TRAPPC9: variants seen among roughly 807,000 people sequenced by gnomAD.
TRAPPC9 encodes trafficking protein particle complex subunit 9.
In TRAPPC9, 83 loss-of-function variants were observed where a neutral mutation model predicts 124.0. The observed-to-expected ratio is 0.67, with a 90% CI of 0.56 to 0.80. The LOEUF (loss-of-function observed/expected upper bound fraction) is 0.80. Ranked by LOEUF, TRAPPC9 falls within the 30% of genes least tolerant of loss-of-function variation. The pLI, the probability that TRAPPC9 is intolerant of heterozygous loss-of-function variation, is 0.00. For synonymous variants in TRAPPC9, 638 were observed against 617.5 expected, an observed-to-expected ratio of 1.03 and a Z score of -0.49; for missense variants, 1,302 against 1,508.3, an observed-to-expected ratio of 0.86 and a Z score of 2.27.
At position 139,776,328 on chromosome 8, in the gene TRAPPC9, T is replaced by C. The variant is rs1821375191; in HGVS notation, c.3056-44126A>G. Among the ~76,000 whole-genome samples the C allele has an allele frequency of 6.6e-6, 1 of 152,226 alleles. No homozygotes were observed. Among genetic ancestry groups the C allele is most frequent in the Admixed American group, 6.5e-5 (1 of 15,288 alleles). ...GGCCCAAACAGGGGACGTCAGCTGC[T>C]ATGTGACGTCATCTCACTCGTCACA... is the stretch of plus-strand genomic sequence containing the variant. On this transcript the variant is annotated intron_variant, in intron 21 of 22. Coordinates refer to ENST00000438773, the MANE Select transcript of TRAPPC9 (RefSeq NM_001160372.4). The surrounding 1 kb of genome is among the most constrained non-coding windows in gnomAD (Gnocchi z 4.1).
chr8:140,245,493 CTGTA>C (rs2063962861), intron 16 of TRAPPC9, among the ~76,000 whole-genome samples: 1 of 139,810 alleles, frequency 7.2e-6, no homozygotes, highest in Admixed American at 7.1e-5. Context: ...GTGTGTGTGT[CTGTA>C]AAATACACAT....
At chr8:139,895,588 C>T (rs1021446804) in intron 20 of TRAPPC9, among the ~76,000 whole-genome samples, 1 of 152,088 alleles carries the variant, frequency 6.6e-6, no homozygotes, top group Non-Finnish European at 1.5e-5. Context: ...CAAAAGTAAA[C>T]AATAATGTGC....
At chr8:140,009,051 G>A (rs917174040) in intron 18 of TRAPPC9, among the ~76,000 whole-genome samples, 2 of 152,120 alleles carry the variant, frequency 1.3e-5, no homozygotes, top group African/African-American at 4.8e-5. Context: ...TCTAAGGACG[G>A]GAAAAGGGAA....
chr8:139,922,920 AGCAAGAGAAATTG>A (rs1291781094), intron 19 of TRAPPC9, among the ~76,000 whole-genome samples: 1 of 152,224 alleles, frequency 6.6e-6, no homozygotes, highest in African/African-American at 2.4e-5. Context: ...AAAGCAAGCA[AGCAAGAGAAATTG>A]GCAGGAGTGT....
chr8:140,286,331 T>C (rs2065483249), intron 13 of TRAPPC9, among the ~76,000 whole-genome samples: 1 of 152,108 alleles, frequency 6.6e-6, no homozygotes, highest in African/African-American at 2.4e-5. Context: ...TGGGCCTTGA[T>C]AACAAGGGCC....
intron 21 of TRAPPC9, among the ~76,000 whole-genome samples, chr8:139,761,811 C>T (rs1820248578): frequency 6.6e-6 from 1 of 151,730 alleles, no homozygotes; most frequent in African/African-American, 2.4e-5. Context: ...TGACGCCACA[C>T]CCTGCGTATT....
chr8:140,152,970 C>G (rs2061571233), intron 17 of TRAPPC9, among the ~76,000 whole-genome samples: 1 of 151,946 alleles, frequency 6.6e-6, no homozygotes. Flanking sequence ...TAGAGGGAAC[C>G]CTTTGTTTTT....
chr8:139,833,565 C>A (rs1826125791), intron 21 of TRAPPC9, among the ~76,000 whole-genome samples: 1 of 152,250 alleles, frequency 6.6e-6, no homozygotes, highest in Non-Finnish European at 1.5e-5. Context: ...GAAGTCATTT[C>A]CTTACTCGAA....
intron 21 of TRAPPC9, among the ~76,000 whole-genome samples, chr8:139,756,415 A>G (rs1229582261): frequency 5.7e-4 from 53 of 93,418 alleles, no homozygotes; most frequent in Middle Eastern, 0.011. Context: ...ACAGCAGATC[A>G]CAGGAGGAGC....
Position 140,241,339 on chromosome 8 carries a change from T to A in TRAPPC9, c.2431+11438A>T, listed in dbSNP as rs991693172. 8.6e-5 allele frequency among the ~76,000 whole-genome samples: 13 copies of A among 151,526 alleles called. No individual in the cohort carries two copies. The highest frequency in any genetic ancestry group is 5.9e-4 in the Admixed American group (9 of 15,198). On this transcript the variant is annotated intron_variant, in intron 16 of 22. Transcript: ENST00000438773. The surrounding 1 kb of genome is among the most constrained non-coding windows in gnomAD (Gnocchi z 5.0). ...AGGAGATCACTTGAACCCAGGAAGTTGTAGTGAGCTGAGATCACACCACTG... is the reference window on the plus strand; with the variant it reads ...AGGAGATCACTTGAACCCAGGAAGTAGTAGTGAGCTGAGATCACACCACTG...
chr8:139,822,517 T>C (rs1825317383), intron 21 of TRAPPC9, among the ~76,000 whole-genome samples: 1 of 152,118 alleles, frequency 6.6e-6, no homozygotes, highest in African/African-American at 2.4e-5. Flanking sequence ...GACACCCTAT[T>C]GTGCGGTTGA....
intron 17 of TRAPPC9, among the ~76,000 whole-genome samples, chr8:140,085,935 C>A (rs1844157957): frequency 6.6e-6 from 1 of 152,190 alleles, no homozygotes; most frequent in East Asian, 1.9e-4. Context: ...CCCACACCCC[C>A]TTAGGAATCA....
chr8:139,806,046 T>C (rs1464469666), intron 21 of TRAPPC9: 3 of 152,210 alleles, frequency 2.0e-5, no homozygotes, highest in African/African-American at 7.2e-5. Context: ...AAAGTGTAGC[T>C]CGAGAACGGG....
chr8:140,443,328 C>T (rs964113510), intron 2 of TRAPPC9, among the ~76,000 whole-genome samples: 1 of 151,220 alleles, frequency 6.6e-6, no homozygotes, highest in Admixed American at 6.6e-5. Context: ...CCCAGCTAAT[C>T]AGGAGGCTGA....
At chr8:140,037,879 AAC>A (rs10560088) in intron 17 of TRAPPC9, among the ~76,000 whole-genome samples, 21,222 of 81,304 alleles carry the variant, frequency 0.26, 2,603 homozygotes, top group Non-Finnish European at 0.36. Flanking sequence ...ACACACCTCC[AAC>A]ACACACACAC....
chr8:139,759,478 G>C (rs1219369447), intron 21 of TRAPPC9, among the ~76,000 whole-genome samples: 1 of 152,160 alleles, frequency 6.6e-6, no homozygotes, highest in Non-Finnish European at 1.5e-5. Context: ...TGTGCCACGT[G>C]GGCGGTGCTG....
intron 10 of TRAPPC9, among the ~76,000 whole-genome samples, chr8:140,304,920 G>A (rs893675674): frequency 1.2e-4 from 16 of 133,582 alleles, no homozygotes; most frequent in East Asian, 6.8e-4. Context: ...CTGGTGCTCC[G>A]GTCCCATGCC....
chr8:140,221,634 G>T, intron 16 of TRAPPC9, 51 bp from the exon 17 acceptor site: 1 of 1,576,450 alleles, frequency 6.3e-7, no homozygotes, highest in Admixed American at 1.9e-5. Context: ...TGGTTTTGGG[G>T]TTTGTTGTTG....
chr8:140,125,945 G>C (rs942075521), intron 17 of TRAPPC9, among the ~76,000 whole-genome samples: 1 of 151,976 alleles, frequency 6.6e-6, no homozygotes, highest in East Asian at 1.9e-4. Flanking sequence ...CTCTTGGTTT[G>C]AAAGTGAAGA....
Sources: allele counts gnomAD v4.1 joint callset (sites outside exome capture counted in the v4.1 genomes callset), GRCh38; gene constraint gnomAD v4.1.1; non-coding constraint Gnocchi (gnomAD v3.1); transcripts MANE v1.5; gene names NCBI Gene and HGNC (gene_info 2026-07-23, HGNC 2026-07-21).